Variants in SETD3 observed in about 807,000 individuals in gnomAD.
SETD3 encodes the protein SET domain containing 3, actin N3(tau)-histidine methyltransferase, also known as actin-histidine N-methyltransferase.
A neutral mutation model predicts 63.0 loss-of-function variants in SETD3; 19 were observed. That is an observed-to-expected ratio of 0.30 (90% CI 0.21 to 0.44). SETD3 has a LOEUF of 0.44. SETD3 is among the 20% of genes least tolerant of loss of function. The probability of loss-of-function intolerance (pLI) is 1.00; values close to 1 mark genes in which losing one functional copy is unlikely to be tolerated. For synonymous variants in SETD3, 286 were observed against 264.1 expected, an observed-to-expected ratio of 1.08 and a Z score of -0.80; for missense variants, 587 against 728.5, an observed-to-expected ratio of 0.81 and a Z score of 2.24.
intron 9 of SETD3, among the ~76,000 whole-genome samples, chr14:99,405,972 G>C (rs1891658663): frequency 6.6e-6 from 1 of 152,110 alleles, no homozygotes. Context: ...TGACTGTACT[G>C]TCTGCTTGGG....
At chr14:99,406,328 G>C (rs1438403194) in intron 9 of SETD3, among the ~76,000 whole-genome samples, 188 bp downstream of exon 9, 1 of 152,200 alleles carries the variant, frequency 6.6e-6, no homozygotes, top group Non-Finnish European at 1.5e-5. Flanking sequence ...CAAAGCACAA[G>C]TGAGTAAAGC....
chr14:99,405,402 C>T (rs1419070208), intron 9 of SETD3, 31 bp from the exon 10 acceptor site: 1 of 1,601,316 alleles, frequency 6.2e-7, no homozygotes, highest in Non-Finnish European at 8.5e-7. Context: ...AAGAAAAGGG[C>T]ATTAGACAAA....
chr14:99,477,295 G>A (rs1289669532), intron 1 of SETD3, among the ~76,000 whole-genome samples: 1 of 152,122 alleles, frequency 6.6e-6, no homozygotes. Flanking sequence ...CAATATCTGT[G>A]TTTTTATCTC....
At chr14:99,412,924 A>G (rs748318791) in intron 8 of SETD3, 27 bp downstream of exon 8, 16 of 1,496,864 alleles carry the variant, frequency 1.1e-5, no homozygotes, top group Non-Finnish European at 1.3e-5. Flanking sequence ...CCCAGATTCA[A>G]CACAACACAG....
At chr14:99,453,661 C>T (rs6575723) in intron 6 of SETD3, among the ~76,000 whole-genome samples, 146,785 of 152,064 alleles carry the variant, frequency 0.97, 71,035 homozygotes, top group East Asian at 1. Flanking sequence ...CCCGTCTCTA[C>T]TAAAAATACA....
intron 6 of SETD3, among the ~76,000 whole-genome samples, chr14:99,430,154 G>C (rs1893094650): frequency 6.6e-6 from 1 of 152,196 alleles, no homozygotes; most frequent in African/African-American, 2.4e-5. Flanking sequence ...GTTTAGCACT[G>C]GCTCCCACTG....
chr14:99,446,797 T>C (rs1351288584), intron 6 of SETD3, among the ~76,000 whole-genome samples: 1 of 151,928 alleles, frequency 6.6e-6, no homozygotes, highest in Non-Finnish European at 1.5e-5. Flanking sequence ...AGCAGAAGCG[T>C]TGCCAGTCCC....
chr14:99,399,741 A>AATTTTTTTTTTTTTTTTTTTT lies in SETD3; in HGVS notation c.1338+357_1338+358insAAAAAAAAAAAAAAAAAAAAT. Among the ~76,000 whole-genome samples the AATTTTTTTTTTTTTTTTTTTT allele has an allele frequency of 1.6e-5, 2 of 127,728 alleles. 1 individual carries two copies. The allele number at this position is 127,728 out of a possible 152,430, so 83.8% of individuals were successfully genotyped here. ...GAATTAACAAGAAATCTTTCATTAA[A>AATTTTTTTTTTTTTTTTTTTT]TTTTTTTTTTTTTTTTTTTTTTTTT... On this transcript the variant is annotated intron_variant, in intron 12 of 12. Transcript: ENST00000331768.
rs2139598066 is a variant in SETD3, at chr14:99,397,827, G to A, written c.*852C>T. ...ATCTCTAGCTTGTTGTGAAAACCAG[G>A]AAAGCCAAGGAGCTGCCTCACACTG... On this transcript the variant is annotated 3_prime_UTR_variant, in exon 13 of 13. Coordinates refer to ENST00000331768, the MANE Select transcript of SETD3 (RefSeq NM_032233.3). 6.6e-6 allele frequency: 1 copy of A among 152,586 alleles called. No individual in the cohort carries two copies. The highest frequency in any genetic ancestry group is 6.5e-5 in the Admixed American group (1 of 15,300). 9.5% of individuals were successfully genotyped at this position (152,586 alleles called of 1,614,324 possible). A position where few individuals can be genotyped will look rare whatever the true frequency, so the allele number is the denominator to read the frequency against.
intron 8 of SETD3, chr14:99,411,544 T>G (rs966740304): frequency 6.6e-6 from 1 of 152,144 alleles, no homozygotes; most frequent in Non-Finnish European, 1.5e-5. Context: ...TTTTGTTTGT[T>G]TAGAGTAAAG....
chr14:99,466,170 T>C, intron 1 of SETD3, among the ~76,000 whole-genome samples: 1 of 152,212 alleles, frequency 6.6e-6, no homozygotes, highest in East Asian at 1.9e-4. Context: ...ATCATACACA[T>C]ATGGGCATAA....
Position 99,446,014 on chromosome 14 carries a change from A to T in SETD3, c.675+12265T>A, listed in dbSNP as rs575710150. 7.9e-5 allele frequency among the ~76,000 whole-genome samples: 12 copies of T among 152,354 alleles called. No individual in the cohort carries two copies. The South Asian group carries it at 2.3e-3, about 29-fold the overall frequency. On this transcript the variant is annotated intron_variant, in intron 6 of 12. Coordinates refer to ENST00000331768, the MANE Select transcript of SETD3 (RefSeq NM_032233.3). ...GAGTTGGGGAGAGAAGGAATCACAG[A>T]ACGGGACAGGCCTGTGGAGACAGAG...
At chr14:99,461,917 T>TA (rs1490656636) in intron 3 of SETD3, among the ~76,000 whole-genome samples, 6 of 152,190 alleles carry the variant, frequency 3.9e-5, no homozygotes, top group Admixed American at 6.5e-5. Flanking sequence ...CAGTGGCTTT[T>TA]AAAAAATCAC....
chr14:99,413,738 C>A, intron 7 of SETD3, 138 bp downstream of exon 7: 2 of 769,552 alleles, frequency 2.6e-6, no homozygotes, highest in South Asian at 3.4e-5. Flanking sequence ...CTGATAACTT[C>A]TGAAAGATGA....
intron 1 of SETD3, among the ~76,000 whole-genome samples, chr14:99,467,091 T>G (rs1160323749): frequency 3.6e-5 from 4 of 111,516 alleles, no homozygotes; most frequent in African/African-American, 1.2e-4. Flanking sequence ...TATGGCCATG[T>G]GCTAAAACAG....
chr14:99,406,802 C>T (rs1891706318), intron 8 of SETD3, among the ~76,000 whole-genome samples: 1 of 152,190 alleles, frequency 6.6e-6, no homozygotes, highest in African/African-American at 2.4e-5. Flanking sequence ...AAATTACATA[C>T]CTGAAATAAA....
At chr14:99,412,896 G>T in intron 8 of SETD3, 55 bp downstream of exon 8, 2 of 1,266,006 alleles carry the variant, frequency 1.6e-6, no homozygotes, top group Non-Finnish European at 2.3e-6. Flanking sequence ...CCCTCCCAAA[G>T]CTTAGCAACA....
At chr14:99,483,699 G>A (rs1896413024), upstream of SETD3, among the ~76,000 whole-genome samples, 1 of 152,354 alleles carries the variant, frequency 6.6e-6, no homozygotes. Flanking sequence ...AGACACAAGA[G>A]TTAAATGTGC....
rs751824675 is a variant in SETD3, at chr14:99,404,300, A to G, written c.1102T>C (p.Phe368Leu). 3 of 1,614,034 alleles carry G rather than the reference A, an allele frequency of 1.9e-6. No homozygotes were observed. The highest frequency in any genetic ancestry group is 2.5e-6 in the Non-Finnish European group (3 of 1,180,000). ...ARAGIPTSSV[F>L]ALHFTEPPIS... ...GGCGGCTCGGTAAAATGCAATGCAA[A>G]AACACTGGAACTGATAAAAGCAGAA... is the stretch of plus-strand genomic sequence containing the variant. Residue 368 changes from phenylalanine (F) to leucine (L), a missense_variant, in exon 11 of 13, where the codon TTT becomes CTT. Physicochemically the swap from Phe to Leu is conservative, Grantham distance 22. Coordinates refer to ENST00000331768, the MANE Select transcript of SETD3 (RefSeq NM_032233.3).
Sources: allele counts gnomAD v4.1 joint callset (sites outside exome capture counted in the v4.1 genomes callset), GRCh38; gene constraint gnomAD v4.1.1; transcripts MANE v1.5; gene names NCBI Gene and HGNC (gene_info 2026-07-23, HGNC 2026-07-21).